Variants in ANKRD65 observed in about 807,000 individuals in gnomAD.
ANKRD65 encodes the protein ankyrin repeat domain-containing protein 65.
ANKRD65 carries 26 observed loss-of-function variants against 17.2 expected under a neutral mutation model. That is an observed-to-expected ratio of 1.51 (90% CI 1.11 to 2.09). The LOEUF is 2.09. Ranked by LOEUF, ANKRD65 falls within the 30% of genes most tolerant of loss-of-function variation. The probability of loss-of-function intolerance (pLI) is 0.00; values close to 1 mark genes in which losing one functional copy is unlikely to be tolerated. For synonymous variants in ANKRD65, 311 were observed against 272.2 expected, an observed-to-expected ratio of 1.14 and a Z score of -1.40; for missense variants, 621 against 542.2, an observed-to-expected ratio of 1.15 and a Z score of -1.44.
rs1645490835 is a variant in ANKRD65 at position 1,418,931 on chromosome 1, C to A, written c.*169G>T. On this transcript the variant is annotated 3_prime_UTR_variant, in exon 4 of 4. Coordinates refer to ENST00000537107, the MANE Select transcript of ANKRD65 (RefSeq NM_001145210.3). Reference sequence around the variant, plus strand: ...AGTGGGCCCTCCTGGGAGCTGGGGGCCATCCCTGGTCCAGCCAAGGCCTGT... The same window carrying A: ...AGTGGGCCCTCCTGGGAGCTGGGGGACATCCCTGGTCCAGCCAAGGCCTGT... The A allele has an allele frequency of 3.8e-5, 28 of 735,424 alleles. No individual in the cohort carries two copies. The South Asian group carries it at 6.3e-4, about 17-fold the overall frequency. The allele number at this position is 735,424 out of a possible 1,614,324, so 45.6% of individuals were successfully genotyped here.
intron 3 of ANKRD65, 136 bp downstream of exon 3, chr1:1,419,916 C>A (rs1645514753): frequency 9.8e-7 from 1 of 1,019,820 alleles, no homozygotes; most frequent in East Asian, 3.5e-5. Flanking sequence ...CGGAGGGGCA[C>A]AGCCGGGGGC....
At position 1,421,166 on chromosome 1, in the gene ANKRD65, G is replaced by A; in HGVS notation, c.-34C>T. On this transcript the variant is annotated 5_prime_UTR_variant, in exon 1 of 4. Transcript: ENST00000537107. ...GCTGGCTCAGGAGCTTTCTGCTCTG[G>A]CTGAGGGTCCTCTGTAGACGGGTTC... 2.9e-6 allele frequency: 2 copies of A among 688,168 alleles called. No homozygotes were observed. Among genetic ancestry groups the A allele is most frequent in the Middle Eastern group, 4.1e-4 (1 of 2,434 alleles). The allele number at this position is 688,168 out of a possible 1,614,324, so 42.6% of individuals were successfully genotyped here.
chr1:1,420,410 G>T lies in ANKRD65; in HGVS notation c.392C>A (p.Ala131Asp). 7.5e-7 allele frequency: 1 copy of T among 1,324,568 alleles called. No individual in the cohort carries two copies. The highest frequency in any genetic ancestry group is 9.7e-7 in the Non-Finnish European group (1 of 1,033,970). The allele number at this position is 1,324,568 out of a possible 1,614,324, so 82.1% of individuals were successfully genotyped here. ...CGTCCCGGAGCGAGCCGCCGCCGAGGCCCCGCGCTGCAGCAGCAGCTCGGC... is the reference window on the plus strand; with the variant it reads ...CGTCCCGGAGCGAGCCGCCGCCGAGTCCCCGCGCTGCAGCAGCAGCTCGGC... ...RVAELLLQRG[A>D]SAAARSGTGL... Residue 131 changes from alanine (A) to aspartate (D), a missense_variant, in exon 3 of 4, where the codon GCC becomes GAC. Physicochemically the swap from Ala to Asp is moderately radical, Grantham distance 126 (BLOSUM62 -2). Coordinates refer to ENST00000537107, the MANE Select transcript of ANKRD65 (RefSeq NM_001145210.3).
intron 1 of ANKRD65, 49 bp downstream of exon 1, chr1:1,421,084 C>T: frequency 7.2e-7 from 1 of 1,395,766 alleles, no homozygotes; most frequent in Non-Finnish European, 9.8e-7. Context: ...CAACTGGAGC[C>T]CCCCATTCCA....
At chr1:1,419,961 C>T in intron 3 of ANKRD65, 91 bp downstream of exon 3, 1 of 1,177,114 alleles carries the variant, frequency 8.5e-7, no homozygotes, top group Non-Finnish European at 1.1e-6. Flanking sequence ...CACCGTCCCC[C>T]AGCCTGGCTC....
At position 1,419,281 on chromosome 1, in the gene ANKRD65, T is replaced by C. The variant is rs1645499534; in HGVS notation, c.1019A>G (p.His340Arg). Residue 340 changes from histidine (H) to arginine (R), a missense_variant, in exon 4 of 4, where the codon CAC becomes CGC. By Grantham distance (29) the His-to-Arg change is conservative (BLOSUM62 0). Transcript: ENST00000537107. ...ATGWLRKTPL[H>R]LAAERGHGPT... ...CCCATGCCCTCGCTCTGCAGCCAGGTGTAGGGGGGTCTTTCGGAGCCAGCC... is the reference window on the plus strand; with the variant it reads ...CCCATGCCCTCGCTCTGCAGCCAGGCGTAGGGGGGTCTTTCGGAGCCAGCC... 1 of 1,550,096 alleles carries C rather than the reference T, an allele frequency of 6.5e-7. No individual in the cohort carries two copies. Among genetic ancestry groups the C allele is most frequent in the Non-Finnish European group, 8.7e-7 (1 of 1,146,786 alleles).
At position 1,421,241 on chromosome 1, in the gene ANKRD65, C is replaced by G; in HGVS notation, c.-109G>C. 1 of 558,642 alleles carries G rather than the reference C, an allele frequency of 1.8e-6. No individual in the cohort carries two copies. The highest frequency in any genetic ancestry group is 3.2e-6 in the Non-Finnish European group (1 of 313,190). 34.6% of individuals were successfully genotyped at this position (558,642 alleles called of 1,614,324 possible). ...CTCTTCACAAAATCCCTTCTGCAGG[C>G]TTTGGGGTGGAGTGTCTGCTGCTGA... On this transcript the variant is annotated 5_prime_UTR_variant, in exon 1 of 4. Coordinates refer to ENST00000537107, the MANE Select transcript of ANKRD65 (RefSeq NM_001145210.3).
In ANKRD65 at chr1:1,420,801, C is replaced by T; in HGVS notation, c.205G>A (p.Glu69Lys). ...QLLRQGASVE[E>K]RDHAGRTPLH... is the part of the protein sequence containing the mutation. ...CACCCCCCAGCGCAGGTGCACCTCTCCTCCACGCTGGCACCTTGCCGCAGC... is the reference window on the plus strand; with the variant it reads ...CACCCCCCAGCGCAGGTGCACCTCTTCTCCACGCTGGCACCTTGCCGCAGC... The change falls in exon 2 of 4, where the codon GAG becomes AAG. Residue 69 changes from glutamate (E) to lysine (K), a missense_variant. Glu to Lys is a moderately conservative substitution (Grantham distance 56). Transcript: ENST00000537107. 1 of 1,546,976 alleles carries T rather than the reference C, an allele frequency of 6.5e-7. No homozygotes were observed. The highest frequency in any genetic ancestry group is 8.7e-7 in the Non-Finnish European group (1 of 1,145,972).
In ANKRD65 at chr1:1,420,574, G is replaced by A; in HGVS notation, c.228C>T (p.Thr76=). Residue 76 remains threonine, a synonymous_variant, in exon 3 of 4, where the codon ACC becomes ACT. Coordinates refer to ENST00000537107, the MANE Select transcript of ANKRD65 (RefSeq NM_001145210.3). The stretch of plus-strand genomic sequence containing the variant: ...CCCGCAGCACGGCCAGGTGGAGCGG[G>A]GTCCGGCCTGCGTGGTCCCTGAGGA... ...SVEERDHAGR[T]PLHLAVLRGH... 6 of 1,375,434 alleles carry A rather than the reference G, an allele frequency of 4.4e-6. No individual in the cohort carries two copies. The highest frequency in any genetic ancestry group is 5.6e-6 in the Non-Finnish European group (6 of 1,068,166). The allele number at this position is 1,375,434 out of a possible 1,614,324, so 85.2% of individuals were successfully genotyped here. A position where few individuals can be genotyped will look rare whatever the true frequency, so the allele number is the denominator to read the frequency against.
At position 1,420,122 on chromosome 1, in the gene ANKRD65, G is replaced by T; in HGVS notation, c.680C>A (p.Ala227Glu). ...CGCGCCATCCCGGGCGTCCACCCGC[G>T]CCCCGCGCGCCAGGAGGAAGCGCAG... The part of the protein sequence containing the change: ...AALRFLLARG[A>E]RVDARDGAGA... Residue 227 changes from alanine (A) to glutamate (E), a missense_variant, in exon 3 of 4, where the codon GCG (alanine) becomes GAG (glutamate). Transcript: ENST00000537107. 1 of 1,255,422 alleles carries T rather than the reference G, an allele frequency of 8.0e-7. No individual in the cohort carries two copies. The highest frequency in any genetic ancestry group is 1.0e-6 in the Non-Finnish European group (1 of 1,001,520). 77.8% of individuals were successfully genotyped at this position (1,255,422 alleles called of 1,614,324 possible).
intron 3 of ANKRD65, among the ~76,000 whole-genome samples, 159 bp downstream of exon 3, chr1:1,419,893 G>A (rs1645514135): frequency 6.6e-6 from 1 of 152,160 alleles, no homozygotes; most frequent in Non-Finnish European, 1.5e-5. Context: ...GTCTCCACGG[G>A]ACGGGGCTAC....
intron 2 of ANKRD65, 59 bp from the exon 3 acceptor site, chr1:1,420,651 G>GGGCCCCCCC: frequency 8.0e-7 from 1 of 1,252,864 alleles, no homozygotes; most frequent in Non-Finnish European, 1.0e-6. Flanking sequence ...ACCCCGCCCT[G>GGGCCCCCCC]CCCCACCCCG....
At position 1,418,594 on chromosome 1, in the gene ANKRD65, GCACCGGCGGT is replaced by G. The variant is rs2100415733; in HGVS notation, c.*496_*505del. 1 of 152,890 alleles carries G rather than the reference GCACCGGCGGT, an allele frequency of 6.5e-6. No individual in the cohort carries two copies. Among genetic ancestry groups the G allele is most frequent in the African/African-American group, 2.4e-5 (1 of 41,592 alleles). The allele number at this position is 152,890 out of a possible 1,614,324, so 9.5% of individuals were successfully genotyped here. ...AGGCGGTACGTGACAGGGGCTGCATGCACCGGCGGTCAGAGAGAAACAGAACACGGCAGGG... is the reference window on the plus strand; with the variant it reads ...AGGCGGTACGTGACAGGGGCTGCATGCAGAGAGAAACAGAACACGGCAGGG... On this transcript the variant is annotated 3_prime_UTR_variant, in exon 4 of 4. Transcript: ENST00000537107.
In ANKRD65 at chr1:1,420,908, G is replaced by C; in HGVS notation, c.98C>G (p.Thr33Arg). The C allele has an allele frequency of 1.3e-6, 2 of 1,550,624 alleles. No homozygotes were observed. The highest frequency in any genetic ancestry group is 8.7e-7 in the Non-Finnish European group (1 of 1,146,958). ...LDSEEALGTR[T>R]EGPSVVQGWG... is the part of the protein sequence containing the mutation. Reference sequence around the variant, plus strand: ...GCCCTGGACAACACTAGGCCCCTCTGTCCTGGTTCCCAGGGCCTCTTCGGA... The same window carrying C: ...GCCCTGGACAACACTAGGCCCCTCTCTCCTGGTTCCCAGGGCCTCTTCGGA... The change falls in exon 2 of 4, where the codon ACA becomes AGA. Residue 33 changes from threonine to arginine, a missense_variant. By Grantham distance (71) the Thr-to-Arg change is moderately conservative. Transcript: ENST00000537107.
Position 1,420,249 on chromosome 1 carries a change from C to G in ANKRD65, c.553G>C (p.Ala185Pro). 2 of 993,038 alleles carry G rather than the reference C, an allele frequency of 2.0e-6. No individual in the cohort carries two copies. Among genetic ancestry groups the G allele is most frequent in the Non-Finnish European group, 2.4e-6 (2 of 836,904 alleles). The allele number at this position is 993,038 out of a possible 1,614,324, so 61.5% of individuals were successfully genotyped here. The stretch of plus-strand genomic sequence containing the variant: ...AGCACCGCCAGCCGCCCGCCCGCGG[C>G]CGCCCAGTGCGCCGCCGTCCAGCCG... ...ARGWTAAHWA[A>P]AGGRLAVLEL... Residue 185 changes from alanine to proline, a missense_variant, in exon 3 of 4, where the codon GCC becomes CCC. Physicochemically the swap from Ala to Pro is conservative, Grantham distance 27. Coordinates refer to ENST00000537107, the MANE Select transcript of ANKRD65 (RefSeq NM_001145210.3).
chr1:1,419,488 G>C lies in ANKRD65; in HGVS notation c.812C>G (p.Ser271Cys), dbSNP rs1253717078. The change falls in exon 4 of 4, where the codon TCT (serine) becomes TGT (cysteine). Residue 271 changes from serine to cysteine, a missense_variant. Physicochemically the swap from Ser to Cys is moderately radical, Grantham distance 112 (BLOSUM62 -1). Coordinates refer to ENST00000537107, the MANE Select transcript of ANKRD65 (RefSeq NM_001145210.3). Reference protein sequence around the residue: ...DPGIRDRHGRSALHRAAARGH... With the variant: ...DPGIRDRHGRCALHRAAARGH... ...TCGGGCGGCAGCCCTGTGCAGCGCA[G>C]AGCGGCCATGCCTGTCCCTGATGCC... 6.5e-6 allele frequency: 10 copies of C among 1,545,924 alleles called. No homozygotes were observed. The highest frequency in any genetic ancestry group is 7.8e-6 in the Non-Finnish European group (9 of 1,146,706).
In ANKRD65 at chr1:1,418,737, C is replaced by T. The variant is rs978353561; in HGVS notation, c.*363G>A. On this transcript the variant is annotated 3_prime_UTR_variant, in exon 4 of 4. Coordinates refer to ENST00000537107, the MANE Select transcript of ANKRD65 (RefSeq NM_001145210.3). ...TGGGTTTAGGCCAGGCAGGCGCAGGCCTGGTTTCGGGCCTAGCGCCAGGCT... is the reference window on the plus strand; with the variant it reads ...TGGGTTTAGGCCAGGCAGGCGCAGGTCTGGTTTCGGGCCTAGCGCCAGGCT... 1 of 205,252 alleles carries T rather than the reference C, an allele frequency of 4.9e-6. No homozygotes were observed. Among genetic ancestry groups the T allele is most frequent in the African/African-American group, 2.3e-5 (1 of 43,244 alleles). 12.7% of individuals were successfully genotyped at this position (205,252 alleles called of 1,614,324 possible).
chr1:1,419,177 C>G lies in ANKRD65; in HGVS notation c.1123G>C (p.Glu375Gln). The G allele has an allele frequency of 6.5e-7, 1 of 1,545,978 alleles. No homozygotes were observed. The highest frequency in any genetic ancestry group is 2.0e-5 in the Admixed American group (1 of 50,908). The change falls in exon 4 of 4, where the codon GAG becomes CAG. Residue 375 changes from glutamate to glutamine, a missense_variant. Transcript: ENST00000537107. ...TQWAEVAQMP[E>Q]GDLPQALPEL... is the part of the protein sequence containing the mutation. ...GGCAGCGCCTGGGGCAGGTCCCCCT[C>G]AGGCATCTGGGCCACCTCGGCCCAC... is the stretch of plus-strand genomic sequence containing the variant.
chr1:1,419,050 G>GAGAGTAGT lies in ANKRD65; in HGVS notation c.*49_*50insACTACTCT. The stretch of plus-strand genomic sequence containing the variant: ...CCCTCCAGGCAGGCAGCCTCAGCCA[G>GAGAGTAGT]AGAGCCTGGAAATCACTGGGGCGGT... On this transcript the variant is annotated 3_prime_UTR_variant, in exon 4 of 4. Coordinates refer to ENST00000537107, the MANE Select transcript of ANKRD65 (RefSeq NM_001145210.3). 6.9e-7 allele frequency: 1 copy of GAGAGTAGT among 1,449,542 alleles called. No individual in the cohort carries two copies. Among genetic ancestry groups the GAGAGTAGT allele is most frequent in the Non-Finnish European group, 9.1e-7 (1 of 1,094,842 alleles). 89.8% of individuals were successfully genotyped at this position (1,449,542 alleles called of 1,614,324 possible). A position where few individuals can be genotyped will look rare whatever the true frequency, so the allele number is the denominator to read the frequency against.
Sources: gnomAD v4.1 joint callset for allele counts (sites outside exome capture counted in the v4.1 genomes callset) on GRCh38, gnomAD v4.1.1 for gene constraint, MANE v1.5 for transcripts, NCBI Gene and HGNC (gene_info 2026-07-23, HGNC 2026-07-21) for gene names.